The following RDX variants were observed in gnomAD, a reference collection of about 807,000 sequenced individuals.
RDX encodes the protein radixin.
Under a neutral mutation model 83.7 loss-of-function variants are expected in RDX, and 32 were observed. That is an observed-to-expected ratio of 0.38 (90% CI 0.29 to 0.51). The LOEUF (loss-of-function observed/expected upper bound fraction) is 0.51. Among genes scored for constraint, RDX ranks in the 20% least tolerant of loss-of-function variants. The pLI is 0.87. For missense variants in RDX, 600 were observed against 689.9 expected (o/e 0.87, Z 1.46); for synonymous variants, 229 against 222.7 (o/e 1.03, Z -0.25).
At chr11:110,251,509 G>C (rs897634176) in intron 9 of RDX, among the ~76,000 whole-genome samples, 5 of 152,164 alleles carry the variant, frequency 3.3e-5, no homozygotes, top group Admixed American at 2.0e-4. Flanking sequence ...AAAATTATCT[G>C]TTCGATTGAG....
intron 15 of RDX, among the ~76,000 whole-genome samples, chr11:110,189,487 T>C (rs1863063838): frequency 6.6e-6 from 1 of 152,130 alleles, no homozygotes; most frequent in African/African-American, 2.4e-5. Context: ...GGACTTAAAT[T>C]TGACATTTGA....
At chr11:110,277,104 A>G (rs1256694611) in intron 2 of RDX, among the ~76,000 whole-genome samples, 1 of 152,244 alleles carries the variant, frequency 6.6e-6, no homozygotes, top group African/African-American at 2.4e-5. Context: ...CTATACTTCC[A>G]GAATCTTTAA....
At chr11:110,214,905 T>C (rs1463094021) in intron 14 of RDX, among the ~76,000 whole-genome samples, 2 of 147,038 alleles carry the variant, frequency 1.4e-5, no homozygotes, top group African/African-American at 5.0e-5. Context: ...GACAAGTTAG[T>C]GGGTGCAGCG....
At chr11:110,277,604 T>C (rs2134417238) in intron 2 of RDX, among the ~76,000 whole-genome samples, 1 of 152,150 alleles carries the variant, frequency 6.6e-6, no homozygotes, top group South Asian at 2.1e-4. Flanking sequence ...ACAGGCGTGA[T>C]TTACCATGCC....
At chr11:110,233,590 G>A (rs1864727988) in intron 12 of RDX, 111 bp from the exon 13 acceptor site, 7 of 1,157,246 alleles carry the variant, frequency 6.0e-6, no homozygotes, top group Non-Finnish European at 7.4e-6. Context: ...AATGAAAATA[G>A]GCCCTATTTA....
intron 15 of RDX, chr11:110,181,896 C>T (rs967682610): frequency 3.3e-5 from 5 of 152,392 alleles, no homozygotes; most frequent in Non-Finnish European, 5.9e-5. Flanking sequence ...CAGACTCAGA[C>T]CCAGGCACAC....
At position 110,231,558 on chromosome 11, in the gene RDX, T is replaced by C. The variant is rs1864634654; in HGVS notation, c.*311A>G. 1 of 378,060 alleles carries C rather than the reference T, an allele frequency of 2.6e-6. No homozygotes were observed. The highest frequency in any genetic ancestry group is 2.7e-5 in the South Asian group (1 of 37,628). The allele number at this position is 378,060 out of a possible 1,614,324, so 23.4% of individuals were successfully genotyped here. On this transcript the variant is annotated 3_prime_UTR_variant, in exon 14 of 14. Transcript: ENST00000645495. ...ATGTACACAGAACTGAAACCACACA[T>C]ACACATTTGTCAGACGTGATAATTA...
intron 15 of RDX, among the ~76,000 whole-genome samples, chr11:110,181,486 A>G (rs1862886395): frequency 6.6e-6 from 1 of 151,978 alleles, no homozygotes; most frequent in African/African-American, 2.4e-5. Context: ...ATGCTCCTCT[A>G]AGGTCGTGAG....
intron 14 of RDX, among the ~76,000 whole-genome samples, chr11:110,215,404 AT>A: frequency 6.6e-6 from 1 of 150,426 alleles, no homozygotes; most frequent in African/African-American, 2.4e-5. Flanking sequence ...AAATAAATAA[AT>A]AAATAAAATA....
intron 15 of RDX, among the ~76,000 whole-genome samples, chr11:110,188,335 T>TAATAATAAC (rs869101066): frequency 1.1e-4 from 17 of 149,004 alleles, no homozygotes; most frequent in African/African-American, 3.0e-4. Flanking sequence ...ATAATAATAA[T>TAATAATAAC]AACAATAATA....
chr11:110,208,588 A>T (rs1378630496), intron 14 of RDX, among the ~76,000 whole-genome samples: 3 of 152,138 alleles, frequency 2.0e-5, no homozygotes, highest in Admixed American at 1.3e-4. Flanking sequence ...CTCCAATTTC[A>T]ACTTTCCTCT....
intron 14 of RDX, among the ~76,000 whole-genome samples, chr11:110,202,545 A>G (rs1008780617): frequency 6.6e-6 from 1 of 151,300 alleles, no homozygotes; most frequent in African/African-American, 2.4e-5. Flanking sequence ...TAGCCTCTCG[A>G]GAAGCTGGGA....
chr11:110,247,503 A>G (rs1393920934), intron 10 of RDX, among the ~76,000 whole-genome samples, 200 bp downstream of exon 10: 2 of 152,216 alleles, frequency 1.3e-5, no homozygotes, highest in Admixed American at 1.3e-4. Context: ...TGCATGTTTA[A>G]GAGAAACATC....
At chr11:110,283,261 C>CGGA (rs1860839136) in intron 1 of RDX, among the ~76,000 whole-genome samples, 1 of 152,062 alleles carries the variant, frequency 6.6e-6, no homozygotes, top group Non-Finnish European at 1.5e-5. Flanking sequence ...TCAAGCGATT[C>CGGA]TCCTGCCTCA....
Position 110,179,676 on chromosome 11 carries a change from G to C in RDX, c.*32-4442C>G, listed in dbSNP as rs1862841947. Among the ~76,000 whole-genome samples, 3 of 152,200 alleles carry C rather than the reference G, an allele frequency of 2.0e-5. No homozygotes were observed. The South Asian group carries it at 6.2e-4, about 32-fold the overall frequency. ...TAATCCCAGCTATTCGGGAAGCCAA[G>C]GCAGGAGAATCACTTGAACCCAGAG... On this transcript the variant is annotated intron_variant, in intron 15 of 15. Transcript: ENST00000528498.
chr11:110,239,822 T>TA (rs1178191737), intron 10 of RDX, among the ~76,000 whole-genome samples: 6 of 143,038 alleles, frequency 4.2e-5, no homozygotes, highest in Admixed American at 3.6e-4. Context: ...GCCTGGGTGA[T>TA]AGAGGAAGAC....
chr11:110,201,903 T>TTCTGTGTG (rs1863420229), intron 14 of RDX, among the ~76,000 whole-genome samples: 1 of 137,220 alleles, frequency 7.3e-6, no homozygotes, highest in Non-Finnish European at 1.6e-5. Flanking sequence ...CCGGCTAATT[T>TTCTGTGTG]TGTGTGTGTG....
intron 14 of RDX, among the ~76,000 whole-genome samples, chr11:110,201,629 G>A (rs539824367): frequency 6.6e-6 from 1 of 152,182 alleles, no homozygotes; most frequent in African/African-American, 2.4e-5. Flanking sequence ...CAACACAGGA[G>A]GCTCAGGATT....
intron 9 of RDX, among the ~76,000 whole-genome samples, chr11:110,252,596 G>GT (rs1471832389): frequency 6.6e-6 from 1 of 152,132 alleles, no homozygotes; most frequent in Non-Finnish European, 1.5e-5. Flanking sequence ...ACTAAAAGAA[G>GT]TCTTCCCTTT....
Sources: gnomAD v4.1 joint callset for allele counts (sites outside exome capture counted in the v4.1 genomes callset) on GRCh38, gnomAD v4.1.1 for gene constraint, MANE v1.5 for transcripts, NCBI Gene and HGNC (gene_info 2026-07-23, HGNC 2026-07-21) for gene names.